PTPRB: variants seen among roughly 807,000 people sequenced by gnomAD.
PTPRB encodes receptor-type tyrosine-protein phosphatase beta.
Under a neutral mutation model 238.1 loss-of-function variants are expected in PTPRB, and 97 were observed. That is an observed-to-expected ratio of 0.41 (90% CI 0.35 to 0.48). The LOEUF (loss-of-function observed/expected upper bound fraction) is 0.48. Among genes scored for constraint, PTPRB ranks in the 20% least tolerant of loss-of-function variants. The pLI, the probability that PTPRB is intolerant of heterozygous loss-of-function variation, is 0.30. For missense variants in PTPRB, 2,292 were observed against 2,681.9 expected (o/e 0.85, Z 3.21); for synonymous variants, 970 against 995.4 (o/e 0.97, Z 0.48).
At chr12:70,586,758 A>G (rs1340677329) in intron 9 of PTPRB, among the ~76,000 whole-genome samples, 1 of 152,200 alleles carries the variant, frequency 6.6e-6, no homozygotes, top group Non-Finnish European at 1.5e-5. Context: ...CTTTACAGCA[A>G]AACTCCTTGA....
chr12:70,585,807 C>G (rs1881847202), intron 9 of PTPRB, among the ~76,000 whole-genome samples: 2 of 151,848 alleles, frequency 1.3e-5, no homozygotes, highest in African/African-American at 4.8e-5. Flanking sequence ...ACCCCCGACC[C>G]CACAACAGGC....
intron 27 of PTPRB, chr12:70,538,489 AGT>A: frequency 4.2e-6 from 2 of 475,300 alleles, no homozygotes; most frequent in Non-Finnish European, 7.4e-6. Flanking sequence ...TGCCTGATGG[AGT>A]GGCCAGCTCC....
intron 2 of PTPRB, among the ~76,000 whole-genome samples, chr12:70,634,303 T>A (rs1327171667): frequency 6.6e-6 from 1 of 152,206 alleles, no homozygotes; most frequent in Admixed American, 6.5e-5. Flanking sequence ...TGGATGCTGA[T>A]CTCCATATTG....
chr12:70,571,189 G>T lies in PTPRB; in HGVS notation c.3207C>A (p.Ile1069=), dbSNP rs375379889. The change falls in exon 13 of 34, where the codon ATC becomes ATA. Residue 1069 remains isoleucine, a synonymous_variant. Transcript: ENST00000334414. The part of the protein sequence containing the change: ...GANGDVDQYE[I]QLLFNDMKVF... Reference sequence around the variant, plus strand: ...CTTTCATGTCATTGAAGAGCAGCTGGATCTCATATTGGTCGACATCCCCAT... The same window carrying T: ...CTTTCATGTCATTGAAGAGCAGCTGTATCTCATATTGGTCGACATCCCCAT... 3 of 1,613,844 alleles carry T rather than the reference G, an allele frequency of 1.9e-6. No individual in the cohort carries two copies. The highest frequency in any genetic ancestry group is 2.2e-5 in the East Asian group (1 of 44,892).
At chr12:70,621,602 C>A (rs928992856) in intron 3 of PTPRB, among the ~76,000 whole-genome samples, 1 of 152,158 alleles carries the variant, frequency 6.6e-6, no homozygotes, top group Non-Finnish European at 1.5e-5. Flanking sequence ...CAGCCAGGAA[C>A]CATATGCAAT....
rs1044599662 is a variant in PTPRB, at chr12:70,559,097, T to C, written c.4714+246A>G. Reference sequence around the variant, plus strand: ...TACTTCCCTCATCACACCCAAAATATAATGTCTATTTACAAATAGTACGTC... The same window carrying C: ...TACTTCCCTCATCACACCCAAAATACAATGTCTATTTACAAATAGTACGTC... On this transcript the variant is annotated intron_variant, in intron 18 of 33. Coordinates refer to ENST00000334414, the MANE Select transcript of PTPRB (RefSeq NM_001109754.4). 11 of 593,290 alleles carry C rather than the reference T, an allele frequency of 1.9e-5. No homozygotes were observed. The Admixed American group carries it at 2.4e-4, about 13-fold the overall frequency. 36.8% of individuals were successfully genotyped at this position (593,290 alleles called of 1,614,324 possible).
At chr12:70,589,933 C>T (rs777097054) in intron 8 of PTPRB, 31 bp downstream of exon 8, 54 of 1,596,524 alleles carry the variant, frequency 3.4e-5, no homozygotes, top group Non-Finnish European at 4.3e-5. Flanking sequence ...ATTACTCTTC[C>T]ATTGGTATTA....
chr12:70,553,781 T>G (rs1377104506), intron 20 of PTPRB, among the ~76,000 whole-genome samples: 1 of 152,240 alleles, frequency 6.6e-6, no homozygotes, highest in Non-Finnish European at 1.5e-5. Flanking sequence ...AATTTGCTCA[T>G]AAGTGAGTCT....
intron 3 of PTPRB, among the ~76,000 whole-genome samples, chr12:70,616,093 C>A (rs891561221): frequency 1.2e-4 from 19 of 152,020 alleles, no homozygotes; most frequent in African/African-American, 4.6e-4. Flanking sequence ...GTGTCTTAAT[C>A]TTCTTTTTAA....
rs753964960 is a variant in PTPRB, at chr12:70,556,141, G to T, written c.4722C>A (p.Asp1574Glu). 79 of 1,612,766 alleles carry T rather than the reference G, an allele frequency of 4.9e-5. No individual in the cohort carries two copies. Among genetic ancestry groups the T allele is most frequent in the Middle Eastern group, 1.6e-4 (1 of 6,074 alleles). Residue 1574 changes from aspartate to glutamate, a missense_variant, in exon 19 of 34, where the codon GAC becomes GAA. Asp to Glu is a conservative substitution (Grantham distance 45, BLOSUM62 2). Transcript: ENST00000334414. ...GCCGGCAATGCAGGTTTTGTATCTT[G>T]TCAGGCTCTAAAGGAAACAGAGGAG... ...PIFGSVRTKP[D>E]KIQNLHCRPQ...
At chr12:70,596,943 G>A (rs968708211) in intron 4 of PTPRB, among the ~76,000 whole-genome samples, 1 of 150,208 alleles carries the variant, frequency 6.7e-6, no homozygotes, top group Non-Finnish European at 1.5e-5. Context: ...TTAAGATGGA[G>A]TCTCGCTCTT....
intron 3 of PTPRB, among the ~76,000 whole-genome samples, chr12:70,617,405 G>A (rs1176843256): frequency 6.6e-6 from 1 of 152,208 alleles, no homozygotes; most frequent in Non-Finnish European, 1.5e-5. Context: ...AGCATCAGCA[G>A]TCTCAGAGTC....
intron 33 of PTPRB, among the ~76,000 whole-genome samples, chr12:70,522,819 C>T (rs1211931290): frequency 6.7e-6 from 1 of 149,120 alleles, no homozygotes; most frequent in Non-Finnish European, 1.5e-5. Context: ...CTTTATTTAG[C>T]TATTATAACA....
chr12:70,609,870 C>T (rs1592588862), intron 3 of PTPRB: 1 of 1,530,140 alleles, frequency 6.5e-7, no homozygotes, highest in South Asian at 1.2e-5. Flanking sequence ...TGGGACGGCC[C>T]GAGGGCCGGG....
intron 31 of PTPRB, 78 bp from the exon 32 acceptor site, chr12:70,532,248 A>C (rs1436066280): frequency 1.4e-6 from 2 of 1,446,434 alleles, no homozygotes; most frequent in South Asian, 3.0e-5. Flanking sequence ...ACTCTGGCAC[A>C]ATCTTTTTTT....
chr12:70,546,463 G>C (rs755969266), intron 21 of PTPRB, among the ~76,000 whole-genome samples: 41 of 152,174 alleles, frequency 2.7e-4, no homozygotes, highest in Non-Finnish European at 5.4e-4. Flanking sequence ...GCCCAGTCTG[G>C]AGAGCTGCAC....
intron 7 of PTPRB, among the ~76,000 whole-genome samples, chr12:70,590,792 T>A (rs1276360705): frequency 1.3e-5 from 2 of 152,000 alleles, no homozygotes; most frequent in African/African-American, 4.8e-5. Flanking sequence ...GTATGTTCTG[T>A]AGACCTGCAA....
chr12:70,627,865 G>A (rs1193858000), intron 2 of PTPRB, among the ~76,000 whole-genome samples: 1 of 152,106 alleles, frequency 6.6e-6, no homozygotes, highest in Non-Finnish European at 1.5e-5. Context: ...TTTCTGTTTT[G>A]TTTTGTTTTT....
chr12:70,533,645 T>A (rs887885864), intron 31 of PTPRB, among the ~76,000 whole-genome samples: 4 of 152,208 alleles, frequency 2.6e-5, no homozygotes, highest in African/African-American at 9.6e-5. Flanking sequence ...TGAAACTTAA[T>A]CTTCAATGCA....
Sources: allele counts gnomAD v4.1 joint callset (sites outside exome capture counted in the v4.1 genomes callset), GRCh38; gene constraint gnomAD v4.1.1; transcripts MANE v1.5; gene names NCBI Gene and HGNC (gene_info 2026-07-23, HGNC 2026-07-21).